Variants in MINDY4B observed in about 807,000 individuals in gnomAD.
MINDY4B encodes the protein inactive ubiquitin carboxyl-terminal hydrolase MINDY-4B.
A neutral mutation model predicts 16.7 loss-of-function variants in MINDY4B; 25 were observed. That is an observed-to-expected ratio of 1.49 (90% CI 1.09 to 2.09). The LOEUF (loss-of-function observed/expected upper bound fraction) is 2.09, where lower values mean the gene tolerates loss of function less well. Ranked by LOEUF, MINDY4B falls within the 30% of genes most tolerant of loss-of-function variation. The pLI, the probability that MINDY4B is intolerant of heterozygous loss-of-function variation, is 0.00. For missense variants in MINDY4B, 327 were observed against 168.4 expected (o/e 1.94, Z -5.21); for synonymous variants, 132 against 61.9 (o/e 2.13, Z -5.32).
intron 8 of MINDY4B, among the ~76,000 whole-genome samples, chr3:150,884,256 C>G (rs1021263848): frequency 6.6e-6 from 1 of 152,206 alleles, no homozygotes; most frequent in Non-Finnish European, 1.5e-5. Flanking sequence ...TGGTCTCACC[C>G]TTGACAATAT....
At chr3:150,884,524 T>C (rs1711576552) in intron 8 of MINDY4B, among the ~76,000 whole-genome samples, 2 of 152,256 alleles carry the variant, frequency 1.3e-5, no homozygotes, top group South Asian at 2.1e-4. Context: ...TTTATTTTAA[T>C]ACGTTTATCT....
intron 8 of MINDY4B, among the ~76,000 whole-genome samples, 196 bp downstream of exon 8, chr3:150,885,172 C>T (rs1458623710): frequency 2.0e-5 from 3 of 152,320 alleles, no homozygotes; most frequent in African/African-American, 7.2e-5. Flanking sequence ...CAGATTCAAA[C>T]TTGACTGACG....
At chr3:150,905,147 C>T in intron 1 of MINDY4B, 58 bp from the exon 2 acceptor site, 1 of 398,442 alleles carries the variant, frequency 2.5e-6, no homozygotes, top group Non-Finnish European at 4.4e-6. Context: ...ACCTCACATC[C>T]ACAAACCTCC....
intron 6 of MINDY4B, 96 bp from the exon 7 acceptor site, chr3:150,890,481 GT>G (rs1255271907): frequency 2.0e-6 from 1 of 492,250 alleles, no homozygotes; most frequent in African/African-American, 2.0e-5. Flanking sequence ...TGGGTTTTTT[GT>G]TTCATTGCAT....
intron 11 of MINDY4B, among the ~76,000 whole-genome samples, chr3:150,872,023 T>C (rs1716984840): frequency 6.6e-6 from 1 of 152,248 alleles, no homozygotes; most frequent in African/African-American, 2.4e-5. Context: ...AAACTTCATT[T>C]ATTCAATTAG....
intron 4 of MINDY4B, among the ~76,000 whole-genome samples, chr3:150,893,701 G>C (rs55817715): frequency 6.6e-5 from 6 of 91,536 alleles, no homozygotes; most frequent in South Asian, 5.9e-4. Flanking sequence ...TTTTTTGGGG[G>C]GGGGGGTGGG....
intron 7 of MINDY4B, among the ~76,000 whole-genome samples, chr3:150,889,064 C>T (rs981515077): frequency 1.3e-5 from 2 of 152,206 alleles, no homozygotes; most frequent in East Asian, 1.9e-4. Flanking sequence ...CAACATTTCA[C>T]GTCAGGTACT....
intron 5 of MINDY4B, among the ~76,000 whole-genome samples, chr3:150,892,683 G>A (rs537628330): frequency 6.6e-6 from 1 of 151,834 alleles, no homozygotes; most frequent in Admixed American, 6.6e-5. Context: ...AGTGGCTCAC[G>A]CCTATAATCT....
rs780170123 is a variant in MINDY4B, at chr3:150,893,336, C to T, written c.509G>A (p.Cys170Tyr). The T allele has an allele frequency of 1.0e-5, 7 of 702,794 alleles. No individual in the cohort carries two copies. Among genetic ancestry groups the T allele is most frequent in the South Asian group, 8.9e-5 (6 of 67,592 alleles). 43.5% of individuals were successfully genotyped at this position (702,794 alleles called of 1,614,324 possible). A position where few individuals can be genotyped will look rare whatever the true frequency, so the allele number is the denominator to read the frequency against. ...ACAGTCCTCTTACTTGCCAAGGTTA[C>T]AGTCTTTTCCTTTCCTGGTAAACAA... ...YLLFTRKGKD[C>Y]NLGNLCEISK... The change falls in exon 5 of 12, where the codon TGT (cysteine) becomes TAT (tyrosine). Residue 170 changes from cysteine (C) to tyrosine (Y), a missense_variant. By Grantham distance (194) the Cys-to-Tyr change is radical. Transcript: ENST00000465419.
intron 11 of MINDY4B, among the ~76,000 whole-genome samples, chr3:150,871,960 T>C (rs1166368114): frequency 6.6e-6 from 1 of 152,144 alleles, no homozygotes; most frequent in African/African-American, 2.4e-5. Context: ...GGGGCTTGAG[T>C]TTATCTCATA....
rs113459544 is a variant in MINDY4B, at chr3:150,880,572, G to A, written c.1059+2325C>T. On this transcript the variant is annotated intron_variant, in intron 10 of 11. Transcript: ENST00000465419. ...GAGTTGTTTGAAAGAAAAACATTAA[G>A]CAAATAATAGTAGTGGTAGCACAGA... Among the ~76,000 whole-genome samples, 969 of 152,288 alleles carry A rather than the reference G, an allele frequency of 6.4e-3. 6 individuals carry two copies. Among genetic ancestry groups the A allele is most frequent in the African/African-American group, 0.022 (906 of 41,548 alleles).
intron 2 of MINDY4B, among the ~76,000 whole-genome samples, chr3:150,903,941 G>GA (rs1423950182): frequency 6.6e-6 from 1 of 151,716 alleles, no homozygotes; most frequent in Non-Finnish European, 1.5e-5. Flanking sequence ...CGCTTTTCTT[G>GA]ACTGATTCTC....
chr3:150,876,670 C>A (rs1043579211), intron 10 of MINDY4B, among the ~76,000 whole-genome samples: 1 of 152,182 alleles, frequency 6.6e-6, no homozygotes, highest in African/African-American at 2.4e-5. Flanking sequence ...CTATCAGACT[C>A]TCTAAAGGGA....
intron 3 of MINDY4B, among the ~76,000 whole-genome samples, chr3:150,902,121 A>C (rs1388634558): frequency 6.6e-6 from 1 of 151,904 alleles, no homozygotes; most frequent in East Asian, 1.9e-4. Context: ...TTTAGTCCCC[A>C]CTCATCCTCT....
At chr3:150,874,018 TTTTTTTTTTTTTTTA>T (rs1717032388) in intron 10 of MINDY4B, among the ~76,000 whole-genome samples, 2 of 146,448 alleles carry the variant, frequency 1.4e-5, no homozygotes, top group African/African-American at 5.1e-5. Flanking sequence ...TTTTTTTTTT[TTTTTTTTTTTTTTTA>T]AAGACAGGAT....
chr3:150,882,609 A>AC (rs1711539967), intron 10 of MINDY4B, among the ~76,000 whole-genome samples: 2 of 150,192 alleles, frequency 1.3e-5, no homozygotes, highest in Admixed American at 1.3e-4. Context: ...AACCTCATTA[A>AC]ACAGGGATAT....
intron 8 of MINDY4B, among the ~76,000 whole-genome samples, chr3:150,884,799 C>G (rs567156064): frequency 2.0e-4 from 30 of 152,268 alleles, no homozygotes; most frequent in African/African-American, 7.0e-4. Context: ...CTTCCCTGAC[C>G]ACCCTGTCAG....
chr3:150,903,903 A>G (rs1269507634), intron 2 of MINDY4B, among the ~76,000 whole-genome samples: 1 of 152,070 alleles, frequency 6.6e-6, no homozygotes. Context: ...AAAAAAATCC[A>G]CCGTCTACCT....
intron 11 of MINDY4B, among the ~76,000 whole-genome samples, chr3:150,871,724 C>T (rs1382031030): frequency 1.3e-5 from 2 of 152,098 alleles, no homozygotes; most frequent in Non-Finnish European, 2.9e-5. Flanking sequence ...GTGGCGCGCG[C>T]CTGTAATCCC....
Sources: gnomAD v4.1 joint callset for allele counts (sites outside exome capture counted in the v4.1 genomes callset) on GRCh38, gnomAD v4.1.1 for gene constraint, MANE v1.5 for transcripts, NCBI Gene and HGNC (gene_info 2026-07-23, HGNC 2026-07-21) for gene names.